Variants in HDAC9 observed in about 807,000 individuals in gnomAD.
The protein encoded by HDAC9 is histone deacetylase 9, also known as MEF-2 interacting transcription repressor (MITR) protein.
Under a neutral mutation model 139.4 loss-of-function variants are expected in HDAC9, and 41 were observed. The ratio of observed to expected loss-of-function variants is 0.29; its 90% CI spans 0.23 to 0.38. The LOEUF (loss-of-function observed/expected upper bound fraction) is 0.38. Among genes scored for constraint, HDAC9 ranks in the 10% least tolerant of loss-of-function variants. HDAC9 has a pLI of 1.00. For missense variants in HDAC9, 1,147 were observed against 1,297.0 expected (o/e 0.88, Z 1.78); for synonymous variants, 517 against 476.2 (o/e 1.09, Z -1.12).
At chr7:18,466,179 C>T (rs979498668) in intron 1 of HDAC9, among the ~76,000 whole-genome samples, 6 of 152,022 alleles carry the variant, frequency 3.9e-5, no homozygotes, top group African/African-American at 7.2e-5. Flanking sequence ...TTCCTTGTCC[C>T]GTGACCTCTA....
chr7:18,393,994 G>A (rs1329358449), intron 1 of HDAC9, among the ~76,000 whole-genome samples: 4 of 152,122 alleles, frequency 2.6e-5, no homozygotes, highest in African/African-American at 9.7e-5. Flanking sequence ...ACAATAGAAG[G>A]CAGTCTGTTA....
chr7:18,989,781 C>T (rs1198924849), intron 25 of HDAC9, among the ~76,000 whole-genome samples: 2 of 84,560 alleles, frequency 2.4e-5, no homozygotes, highest in African/African-American at 1.0e-4. Context: ...CTAAACTTCC[C>T]TTCTCGCTTC....
intron 1 of HDAC9, among the ~76,000 whole-genome samples, chr7:18,323,850 G>A (rs139923201): frequency 2.0e-5 from 3 of 151,820 alleles, no homozygotes; most frequent in Non-Finnish European, 2.9e-5. Flanking sequence ...TATTCTCACA[G>A]TTGTGGAGCT....
chr7:18,134,792 C>G (rs1785274018), intron 1 of HDAC9, among the ~76,000 whole-genome samples: 1 of 151,988 alleles, frequency 6.6e-6, no homozygotes, highest in Non-Finnish European at 1.5e-5. Context: ...TTCTTTTCAT[C>G]CAGGAAAAAG....
chr7:18,665,178 A>G (rs1307860344), intron 11 of HDAC9, among the ~76,000 whole-genome samples: 1 of 152,160 alleles, frequency 6.6e-6, no homozygotes, highest in Non-Finnish European at 1.5e-5. Context: ...ATCTGCATTC[A>G]TGTTTATGGT....
chr7:18,213,026 A>G (rs1397436499), intron 2 of HDAC9, among the ~76,000 whole-genome samples: 1 of 152,212 alleles, frequency 6.6e-6, no homozygotes, highest in Non-Finnish European at 1.5e-5. Context: ...TGTAATTTGG[A>G]TAACTACAGC....
At chr7:18,449,758 T>C (rs996512024) in intron 1 of HDAC9, among the ~76,000 whole-genome samples, 1 of 152,200 alleles carries the variant, frequency 6.6e-6, no homozygotes, top group Non-Finnish European at 1.5e-5. Context: ...AAATATACTT[T>C]TTAAATGTTT....
In HDAC9 at chr7:18,705,872, AATAAAAT is replaced by A. The variant is rs1487597404; in HGVS notation, c.1732-21706_1732-21700del. On this transcript the variant is annotated intron_variant, in intron 12 of 25. Coordinates refer to ENST00000686413, the MANE Select transcript of HDAC9 (RefSeq NM_178425.4). ...TGTCTCAAAAAAAAAAATAAAATAAAATAAAATAAAAGAAATGGTTCAGACCCATAGG... is the reference window on the plus strand; with the variant it reads ...TGTCTCAAAAAAAAAAATAAAATAAAAAAAGAAATGGTTCAGACCCATAGG... Among the ~76,000 whole-genome samples the A allele has an allele frequency of 5.7e-4, 84 of 146,522 alleles. 6 individuals are homozygous for A. The highest frequency in any genetic ancestry group is 9.8e-4 in the Non-Finnish European group (66 of 67,316).
intron 2 of HDAC9, among the ~76,000 whole-genome samples, chr7:18,564,925 T>C (rs1317709034): frequency 1.3e-5 from 2 of 151,912 alleles, no homozygotes; most frequent in Non-Finnish European, 2.9e-5. Context: ...CTCTTTCATA[T>C]TTCAAATGCC....
intron 2 of HDAC9, among the ~76,000 whole-genome samples, chr7:18,203,807 G>GT (rs1490498608): frequency 2.6e-5 from 4 of 152,314 alleles, no homozygotes; most frequent in African/African-American, 9.6e-5. Context: ...GGCTGATCTG[G>GT]TAGAGTTGTG....
At chr7:18,149,092 G>T (rs568048238) in intron 1 of HDAC9, among the ~76,000 whole-genome samples, 16 of 152,048 alleles carry the variant, frequency 1.1e-4, no homozygotes, top group African/African-American at 3.6e-4. Flanking sequence ...CCTTGCCAAC[G>T]TGAGGATTAT....
intron 6 of HDAC9, among the ~76,000 whole-genome samples, chr7:18,624,466 T>C (rs1225701589): frequency 6.6e-6 from 1 of 152,140 alleles, no homozygotes; most frequent in Non-Finnish European, 1.5e-5. Flanking sequence ...GCACACACAC[T>C]AAAAAGCTTG....
rs116178552 is a variant in HDAC9, at chr7:18,264,411, C to T, written c.25+102062C>T. 8.9e-3 allele frequency among the ~76,000 whole-genome samples: 1,352 copies of T among 151,860 alleles called. 14 individuals carry two copies. Among genetic ancestry groups the T allele is most frequent in the African/African-American group, 0.031 (1,289 of 41,428 alleles). On this transcript the variant is annotated intron_variant, in intron 2 of 12. Transcript: ENST00000417496. The stretch of plus-strand genomic sequence containing the variant: ...TATATGGGAATTAAACAATATACTC[C>T]CAAATAACCAATAGGTCAAAGAACA...
At chr7:18,832,156 T>C (rs1795900257) in intron 19 of HDAC9, among the ~76,000 whole-genome samples, 1 of 152,204 alleles carries the variant, frequency 6.6e-6, no homozygotes, top group Non-Finnish European at 1.5e-5. Context: ...GACCATTGTG[T>C]TTAGGGGATT....
At chr7:18,910,032 A>G (rs560461492) in intron 22 of HDAC9, among the ~76,000 whole-genome samples, 2 of 152,028 alleles carry the variant, frequency 1.3e-5, no homozygotes, top group African/African-American at 2.4e-5. Flanking sequence ...GATCTGTCCA[A>G]TGCTGAGAGA....
chr7:18,855,675 G>C (rs1398284800), intron 21 of HDAC9, among the ~76,000 whole-genome samples: 1 of 151,806 alleles, frequency 6.6e-6, no homozygotes, highest in African/African-American at 2.4e-5. Flanking sequence ...TCTGCTTGCC[G>C]TTCTGTCAGT....
intron 22 of HDAC9, among the ~76,000 whole-genome samples, chr7:18,889,887 T>C (rs563301957): frequency 8.5e-5 from 13 of 152,324 alleles, no homozygotes; most frequent in South Asian, 4.1e-4. Context: ...AAATTTTTTG[T>C]AGAGGTAGGA....
chr7:18,835,376 G>C lies in HDAC9; in HGVS notation c.2467-91G>C, dbSNP rs892860832. The C allele has an allele frequency of 3.8e-6, 5 of 1,331,834 alleles. No individual in the cohort carries two copies. In the East Asian group the frequency reaches 1.2e-4, roughly 33 times the overall value. The allele number at this position is 1,331,834 out of a possible 1,614,324, so 82.5% of individuals were successfully genotyped here. A position where few individuals can be genotyped will look rare whatever the true frequency, so the allele number is the denominator to read the frequency against. ...AAGACAGAAAATGAGAAAGAAAGTG[G>C]TAGAAAGACAGGGAACTAGAAATCA... On this transcript the variant is annotated intron_variant, in intron 19 of 25. Coordinates refer to ENST00000686413, the MANE Select transcript of HDAC9 (RefSeq NM_178425.4).
intron 13 of HDAC9, among the ~76,000 whole-genome samples, chr7:18,739,719 T>A (rs1584950664): frequency 6.6e-6 from 1 of 152,142 alleles, no homozygotes; most frequent in African/African-American, 2.4e-5. Context: ...GCTACATGGG[T>A]GTCAGGGACC....
Sources: allele counts gnomAD v4.1 joint callset (sites outside exome capture counted in the v4.1 genomes callset), GRCh38; gene constraint gnomAD v4.1.1; transcripts MANE v1.5; gene names NCBI Gene and HGNC (gene_info 2026-07-23, HGNC 2026-07-21).